The following LOXHD1 variants were observed in gnomAD, a reference collection of about 807,000 sequenced individuals.
LOXHD1 encodes lipoxygenase homology domain-containing protein 1.
Under a neutral mutation model 248.2 loss-of-function variants are expected in LOXHD1, and 205 were observed. The observed-to-expected ratio is 0.83, with a 90% CI of 0.74 to 0.93. The LOEUF (loss-of-function observed/expected upper bound fraction) is 0.93, where lower values mean the gene tolerates loss of function less well. Among genes scored for constraint, LOXHD1 ranks in the 40% least tolerant of loss-of-function variants. The pLI is 0.00. For synonymous variants in LOXHD1, 1,113 were observed against 1,162.8 expected, an observed-to-expected ratio of 0.96 and a Z score of 0.87; for missense variants, 2,930 against 2,971.6, an observed-to-expected ratio of 0.99 and a Z score of 0.33.
intron 1 of LOXHD1, among the ~76,000 whole-genome samples, chr18:46,652,455 T>C (rs1599079682): frequency 6.6e-6 from 1 of 152,182 alleles, no homozygotes; most frequent in East Asian, 1.9e-4. Context: ...AATAGACATA[T>C]GGAAAAGTTC....
At chr18:46,643,307 G>T (rs576678267) in intron 2 of LOXHD1, among the ~76,000 whole-genome samples, 3 of 152,310 alleles carry the variant, frequency 2.0e-5, no homozygotes, top group South Asian at 2.1e-4. Context: ...TGACACCCAG[G>T]CTTGCTGCAG....
At chr18:46,511,750 T>C (rs2034977830) in intron 34 of LOXHD1, among the ~76,000 whole-genome samples, 5 of 152,208 alleles carry the variant, frequency 3.3e-5, no homozygotes, top group Admixed American at 3.3e-4. Flanking sequence ...CCCACCACGC[T>C]GGGCAGCTGC....
chr18:46,495,965 G>A (rs2033836816), intron 37 of LOXHD1, among the ~76,000 whole-genome samples: 4 of 152,154 alleles, frequency 2.6e-5, no homozygotes, highest in Admixed American at 2.6e-4. Flanking sequence ...CTGGGAGGCG[G>A]AGGTTGCAGT....
chr18:46,584,321 G>A (rs1389237637), intron 12 of LOXHD1, among the ~76,000 whole-genome samples: 1 of 152,046 alleles, frequency 6.6e-6, no homozygotes, highest in Non-Finnish European at 1.5e-5. Flanking sequence ...CTATTATACA[G>A]TATAATGACT....
chr18:46,604,056 T>A, intron 7 of LOXHD1, 50 bp downstream of exon 7: 1 of 1,549,862 alleles, frequency 6.5e-7, no homozygotes, highest in Non-Finnish European at 8.7e-7. Context: ...CAGCGACCCT[T>A]AGGCAGAAAG....
At chr18:46,531,695 C>T (rs1316386611) in intron 28 of LOXHD1, among the ~76,000 whole-genome samples, 1 of 152,230 alleles carries the variant, frequency 6.6e-6, no homozygotes, top group Non-Finnish European at 1.5e-5. Flanking sequence ...CTCCCCGTCC[C>T]ACCCAGGCCA....
At chr18:46,570,648 G>A (rs2037734313) in intron 15 of LOXHD1, among the ~76,000 whole-genome samples, 1 of 152,170 alleles carries the variant, frequency 6.6e-6, no homozygotes, top group Admixed American at 6.5e-5. Context: ...ATCTCAACCA[G>A]GGGTGTTCAA....
chr18:46,580,280 GCC>G lies in LOXHD1; in HGVS notation c.1655-498_1655-497del. Among the ~76,000 whole-genome samples, 3 of 152,302 alleles carry G rather than the reference GCC, an allele frequency of 2.0e-5. No homozygotes were observed. In the Middle Eastern group the frequency reaches 0.01, roughly 518 times the overall value. On this transcript the variant is annotated intron_variant, in intron 12 of 40. Transcript: ENST00000642948. ...TTCCATCCATCCCAGTAAACCTTTTGCCTTAGGTTGTTCTCCAACTTCTATGT... is the reference window on the plus strand; with the variant it reads ...TTCCATCCATCCCAGTAAACCTTTTGTTAGGTTGTTCTCCAACTTCTATGT...
At position 46,639,612 on chromosome 18, in the gene LOXHD1, T is replaced by C; in HGVS notation, c.511+4A>G. Reference sequence around the variant, plus strand: ...ATGGCAGGCAGGCCAGCCTAGGCACTGACCTCTGGGCATGTCCATGGGGTT... The same window carrying C: ...ATGGCAGGCAGGCCAGCCTAGGCACCGACCTCTGGGCATGTCCATGGGGTT... On this transcript the variant is annotated splice_donor_region_variant and intron_variant, in intron 4 of 40. Transcript: ENST00000642948. 6.5e-7 allele frequency: 1 copy of C among 1,550,380 alleles called. No homozygotes were observed. Among genetic ancestry groups the C allele is most frequent in the South Asian group, 1.2e-5 (1 of 83,882 alleles).
chr18:46,605,892 G>C (rs1023996447), intron 6 of LOXHD1, among the ~76,000 whole-genome samples: 1 of 152,174 alleles, frequency 6.6e-6, no homozygotes. Context: ...TTGAGGTTGG[G>C]TAAAGGGAAT....
chr18:46,572,882 G>T (rs992604983), intron 14 of LOXHD1, among the ~76,000 whole-genome samples: 2 of 151,976 alleles, frequency 1.3e-5, no homozygotes, highest in East Asian at 1.9e-4. Context: ...AATTAGCCAG[G>T]TGTGGTGGTG....
intron 5 of LOXHD1, among the ~76,000 whole-genome samples, chr18:46,611,930 G>T (rs1031771553): frequency 6.6e-6 from 1 of 152,280 alleles, no homozygotes; most frequent in South Asian, 2.1e-4. Context: ...CCTGAAGTGT[G>T]ATAGTCACTA....
chr18:46,618,957 TC>T (rs886822344), intron 4 of LOXHD1, among the ~76,000 whole-genome samples: 3 of 152,114 alleles, frequency 2.0e-5, no homozygotes, highest in African/African-American at 7.2e-5. Flanking sequence ...CCCTGTAACC[TC>T]CAAATGCCTT....
intron 38 of LOXHD1, 40 bp from the exon 39 acceptor site, chr18:46,485,191 G>A: frequency 6.5e-7 from 1 of 1,530,676 alleles, no homozygotes; most frequent in Non-Finnish European, 8.8e-7. Flanking sequence ...CACAGGGGAA[G>A]CAGTGCCCGT....
chr18:46,561,167 T>C (rs904511141), intron 18 of LOXHD1, among the ~76,000 whole-genome samples: 5 of 152,206 alleles, frequency 3.3e-5, no homozygotes, highest in African/African-American at 1.2e-4. Context: ...TCAGCCTGAC[T>C]GCCCCTTCCC....
chr18:46,560,589 T>TCCCCAACGC (rs1331028162), intron 18 of LOXHD1, 44 bp from the exon 19 acceptor site: 290 of 1,474,334 alleles, frequency 2.0e-4, no homozygotes, highest in Non-Finnish European at 2.5e-4. Flanking sequence ...CCCAGCGTCC[T>TCCCCAACGC]CCCCAACGCC....
intron 4 of LOXHD1, among the ~76,000 whole-genome samples, chr18:46,639,237 T>C (rs1409437046): frequency 6.6e-6 from 1 of 152,160 alleles, no homozygotes; most frequent in African/African-American, 2.4e-5. Context: ...TCACCTGCCT[T>C]GGGCATCGTA....
At chr18:46,511,619 G>C (rs1199503071) in intron 34 of LOXHD1, among the ~76,000 whole-genome samples, 1 of 152,246 alleles carries the variant, frequency 6.6e-6, no homozygotes, top group Non-Finnish European at 1.5e-5. Context: ...GCTTAGGCTG[G>C]AAGGACAACT....
intron 4 of LOXHD1, among the ~76,000 whole-genome samples, chr18:46,624,715 C>G (rs996755604): frequency 1.3e-4 from 20 of 152,162 alleles, no homozygotes; most frequent in African/African-American, 4.8e-4. Flanking sequence ...GCGAGATGCT[C>G]TCTGCTCCTG....
Sources: allele counts gnomAD v4.1 joint callset (sites outside exome capture counted in the v4.1 genomes callset), GRCh38; gene constraint gnomAD v4.1.1; transcripts MANE v1.5; gene names NCBI Gene and HGNC (gene_info 2026-07-23, HGNC 2026-07-21).